The following SHISA6 variants were observed in gnomAD, a reference collection of about 807,000 sequenced individuals.
SHISA6 encodes shisa family member 6.
Under a neutral mutation model 47.9 loss-of-function variants are expected in SHISA6, and 22 were observed. The ratio of observed to expected loss-of-function variants is 0.46; its 90% CI spans 0.33 to 0.66. The LOEUF is 0.66. Among genes scored for constraint, SHISA6 ranks in the 30% least tolerant of loss-of-function variants. The pLI is 0.02. For synonymous variants in SHISA6, 388 were observed against 337.8 expected, an observed-to-expected ratio of 1.15 and a Z score of -1.63; for missense variants, 680 against 764.6, an observed-to-expected ratio of 0.89 and a Z score of 1.30.
chr17:11,514,873 T>C (rs2071569859), intron 3 of SHISA6, among the ~76,000 whole-genome samples: 1 of 152,234 alleles, frequency 6.6e-6, no homozygotes, highest in Non-Finnish European at 1.5e-5. Context: ...GTGGCTTCTT[T>C]TCCTCTCTTA....
chr17:11,519,917 C>T (rs2071615238), intron 3 of SHISA6, among the ~76,000 whole-genome samples: 1 of 152,168 alleles, frequency 6.6e-6, no homozygotes, highest in Non-Finnish European at 1.5e-5. Flanking sequence ...CGTGCTTTCT[C>T]ATTTTTAACT....
At chr17:11,411,738 C>G (rs1914125172) in intron 3 of SHISA6, among the ~76,000 whole-genome samples, 1 of 152,150 alleles carries the variant, frequency 6.6e-6, no homozygotes, top group African/African-American at 2.4e-5. Context: ...CACAGATTGC[C>G]CAAGGCTGGC....
chr17:11,299,915 G>T (rs1181371807), intron 2 of SHISA6, among the ~76,000 whole-genome samples: 1 of 152,120 alleles, frequency 6.6e-6, no homozygotes, highest in African/African-American at 2.4e-5. Flanking sequence ...GGAGGCTGAG[G>T]TGGGCAGATC....
chr17:11,249,106 C>A (rs921806912), intron 1 of SHISA6, among the ~76,000 whole-genome samples: 1 of 150,010 alleles, frequency 6.7e-6, no homozygotes, highest in African/African-American at 2.5e-5. Context: ...CCACTGCACT[C>A]CAGCCTGGGC....
chr17:11,439,501 A>G (rs1597514068), intron 3 of SHISA6, among the ~76,000 whole-genome samples: 1 of 152,126 alleles, frequency 6.6e-6, no homozygotes, highest in Admixed American at 6.5e-5. Flanking sequence ...CTTCTGGGGG[A>G]AAAATGGGTA....
chr17:11,250,966 T>G (rs993355468), intron 1 of SHISA6, among the ~76,000 whole-genome samples: 1 of 152,034 alleles, frequency 6.6e-6, no homozygotes, highest in Non-Finnish European at 1.5e-5. Context: ...GCACCTAACC[T>G]GCATTATCTC....
At chr17:11,381,499 G>A (rs953155154) in intron 3 of SHISA6, among the ~76,000 whole-genome samples, 2 of 152,136 alleles carry the variant, frequency 1.3e-5, no homozygotes, top group African/African-American at 4.8e-5. Context: ...GCAGGAAGCT[G>A]GTCTTCCCAG....
intron 3 of SHISA6, among the ~76,000 whole-genome samples, chr17:11,386,324 G>A (rs561780788): frequency 2.0e-3 from 307 of 152,134 alleles, no homozygotes; most frequent in Non-Finnish European, 3.7e-3. Context: ...GCAGTGAGCC[G>A]AGATCATGCC....
chr17:11,497,401 G>A (rs2969196), intron 3 of SHISA6, among the ~76,000 whole-genome samples: 97,377 of 151,856 alleles, frequency 0.64, 31,449 homozygotes, highest in East Asian at 0.85. Flanking sequence ...GCAGGATCCA[G>A]TTGAAAACGG....
At chr17:11,405,132 C>T (rs552310843) in intron 3 of SHISA6, among the ~76,000 whole-genome samples, 3 of 152,208 alleles carry the variant, frequency 2.0e-5, no homozygotes, top group Non-Finnish European at 4.4e-5. Context: ...GAATCATAAT[C>T]TATAGAAGTA....
chr17:11,495,992 T>TCCA (rs1466722567), intron 3 of SHISA6, among the ~76,000 whole-genome samples: 16 of 141,598 alleles, frequency 1.1e-4, no homozygotes, highest in South Asian at 4.7e-4. Context: ...TATTTATCCA[T>TCCA]TCATCCATCC....
At position 11,559,980 on chromosome 17, in the gene SHISA6, A is replaced by G. The variant is rs1382362485; in HGVS notation, c.*1676A>G. 1 of 152,262 alleles carries G rather than the reference A, an allele frequency of 6.6e-6. No homozygotes were observed. The highest frequency in any genetic ancestry group is 1.5e-5 in the Non-Finnish European group (1 of 68,088). The allele number at this position is 152,262 out of a possible 1,614,324, so 9.4% of individuals were successfully genotyped here. ...CTATTGGGTGAAGGTGTGATCCTAAAAACAGTCAGATCCAACAGCAGTGCC... is the reference window on the plus strand; with the variant it reads ...CTATTGGGTGAAGGTGTGATCCTAAGAACAGTCAGATCCAACAGCAGTGCC... On this transcript the variant is annotated 3_prime_UTR_variant, in exon 6 of 6. Transcript: ENST00000441885. The surrounding 1 kb of genome is among the most constrained non-coding windows in gnomAD (Gnocchi z 4.4).
chr17:11,311,854 C>T (rs1910351840), intron 2 of SHISA6, among the ~76,000 whole-genome samples: 1 of 152,078 alleles, frequency 6.6e-6, no homozygotes, highest in Non-Finnish European at 1.5e-5. Context: ...TGGCTCACTG[C>T]AAACTCCGTC....
intron 2 of SHISA6, among the ~76,000 whole-genome samples, chr17:11,301,074 G>A (rs73295434): frequency 2.5e-3 from 377 of 152,236 alleles, no homozygotes; most frequent in Middle Eastern, 0.01. Flanking sequence ...GTGGAGTCCC[G>A]TGCTCAGCTT....
At chr17:11,385,685 C>T (rs931170918) in intron 3 of SHISA6, among the ~76,000 whole-genome samples, 3 of 151,942 alleles carry the variant, frequency 2.0e-5, no homozygotes, top group African/African-American at 7.3e-5. Flanking sequence ...GGGAGTGAGT[C>T]GTGCTCTTCA....
At chr17:11,398,616 C>T (rs1185812662) in intron 3 of SHISA6, among the ~76,000 whole-genome samples, 1 of 151,388 alleles carries the variant, frequency 6.6e-6, no homozygotes, top group African/African-American at 2.4e-5. Context: ...TTTTTTTTGA[C>T]AGACTCTCGC....
At position 11,324,739 on chromosome 17, in the gene SHISA6, G is replaced by C. The variant is rs371777032; in HGVS notation, c.800-54675G>C. ...GAACTATATGTTGGAGATCTGTGAG[G>C]TATGGCATCTAGATTTACTTTAAAA... On this transcript the variant is annotated intron_variant, in intron 2 of 5. Coordinates refer to ENST00000441885, the MANE Select transcript of SHISA6 (RefSeq NM_207386.4). Among the ~76,000 whole-genome samples the C allele has an allele frequency of 5.6e-4, 85 of 152,202 alleles. 3 individuals are homozygous for C. In the South Asian group the frequency reaches 0.017, roughly 30 times the overall value.
chr17:11,410,193 T>C (rs1914076777), intron 3 of SHISA6, among the ~76,000 whole-genome samples: 1 of 152,204 alleles, frequency 6.6e-6, no homozygotes, highest in Non-Finnish European at 1.5e-5. Context: ...AGACTAAAGC[T>C]AGAAGTAATA....
chr17:11,393,339 T>G (rs1376711820), intron 3 of SHISA6, among the ~76,000 whole-genome samples: 1 of 152,064 alleles, frequency 6.6e-6, no homozygotes, highest in East Asian at 1.9e-4. Flanking sequence ...TACACACCAT[T>G]TGCCCCCTTC....
Sources: gnomAD v4.1 joint callset for allele counts (sites outside exome capture counted in the v4.1 genomes callset) on GRCh38, gnomAD v4.1.1 for gene constraint, Gnocchi (gnomAD v3.1) non-coding constraint, MANE v1.5 for transcripts, NCBI Gene and HGNC (gene_info 2026-07-23, HGNC 2026-07-21) for gene names.